The following ZNF624 variants were observed in gnomAD, a reference collection of about 807,000 sequenced individuals.
ZNF624 encodes the protein zinc finger protein 624.
Under a neutral mutation model 74.7 loss-of-function variants are expected in ZNF624, and 43 were observed. That is an observed-to-expected ratio of 0.58 (90% CI 0.45 to 0.74). The LOEUF (loss-of-function observed/expected upper bound fraction) is 0.74, where lower values mean the gene tolerates loss of function less well. ZNF624 is among the 30% of genes least tolerant of loss of function. ZNF624 has a pLI of 0.00. For missense variants in ZNF624, 820 were observed against 1,030.0 expected (o/e 0.80, Z 2.79); for synonymous variants, 331 against 341.3 (o/e 0.97, Z 0.33).
chr17:16,641,032 T>A (rs1436786509), intron 3 of ZNF624, among the ~76,000 whole-genome samples: 1 of 152,100 alleles, frequency 6.6e-6, no homozygotes, highest in African/African-American at 2.4e-5. Flanking sequence ...GAATACAAGG[T>A]TTATGTAATA....
chr17:16,649,820 C>A, intron 1 of ZNF624, 74 bp from the exon 2 acceptor site: 2 of 1,210,690 alleles, frequency 1.7e-6, no homozygotes, highest in Non-Finnish European at 2.4e-6. Context: ...GGAATCCTGA[C>A]ATACAAGTGA....
In ZNF624 at chr17:16,632,763, CAG is replaced by C. The variant is rs548722828; in HGVS notation, c.376+1097_376+1098del. On this transcript the variant is annotated intron_variant, in intron 5 of 5. Transcript: ENST00000311331. ...ATGCCTCAAGTTCAATCTCTATAAACAGGGTTATTTTCTAAAAACCCTGCAGT... is the reference window on the plus strand; with the variant it reads ...ATGCCTCAAGTTCAATCTCTATAAACGGTTATTTTCTAAAAACCCTGCAGT... Among the ~76,000 whole-genome samples the C allele has an allele frequency of 2.6e-3, 403 of 152,304 alleles. 3 individuals carry two copies. Among genetic ancestry groups the C allele is most frequent in the African/African-American group, 9.0e-3 (376 of 41,572 alleles).
intron 5 of ZNF624, among the ~76,000 whole-genome samples, chr17:16,633,415 C>A (rs1909250306): frequency 6.6e-6 from 1 of 152,042 alleles, no homozygotes; most frequent in African/African-American, 2.4e-5. Flanking sequence ...GTTTCTGTAG[C>A]CTTGCAGGTG....
chr17:16,631,110 T>C (rs1031029669), intron 5 of ZNF624, among the ~76,000 whole-genome samples: 3 of 152,078 alleles, frequency 2.0e-5, no homozygotes, highest in Non-Finnish European at 2.9e-5. Flanking sequence ...GTCAACAAGA[T>C]TGCTAGAAAA....
chr17:16,630,566 A>G (rs1909182502), intron 5 of ZNF624, among the ~76,000 whole-genome samples: 1 of 152,198 alleles, frequency 6.6e-6, no homozygotes. Context: ...TCAAAAAAAT[A>G]AAAAATTAAC....
At chr17:16,643,242 T>C (rs1051992419) in intron 3 of ZNF624, among the ~76,000 whole-genome samples, 5 of 152,198 alleles carry the variant, frequency 3.3e-5, no homozygotes, top group African/African-American at 1.2e-4. Context: ...TTAGCATCAT[T>C]ATTAATTGCC....
chr17:16,645,281 T>C (rs7208075), intron 3 of ZNF624, among the ~76,000 whole-genome samples: 35,050 of 151,904 alleles, frequency 0.23, 4,488 homozygotes, highest in East Asian at 0.35. Context: ...ACACTAAAAA[T>C]ACAAAAATTA....
At chr17:16,626,465 C>A (rs1332506397) in intron 5 of ZNF624, among the ~76,000 whole-genome samples, 2 of 152,032 alleles carry the variant, frequency 1.3e-5, no homozygotes, top group Non-Finnish European at 2.9e-5. Flanking sequence ...AGAAAAAAAG[C>A]TATAAGGCTG....
At chr17:16,645,956 A>AAAG (rs1489559005) in intron 3 of ZNF624, among the ~76,000 whole-genome samples, 2 of 151,456 alleles carry the variant, frequency 1.3e-5, no homozygotes, top group African/African-American at 4.8e-5. Flanking sequence ...AAAAAAAAAA[A>AAAG]AAAAAAAAAG....
chr17:16,619,051 CA>C (rs1462740399), downstream of ZNF624, among the ~76,000 whole-genome samples: 5 of 152,112 alleles, frequency 3.3e-5, no homozygotes, highest in Non-Finnish European at 7.3e-5. Flanking sequence ...TAAAAGCATA[CA>C]ACGAGACATA....
downstream of ZNF624, chr17:16,616,971 C>T (rs574426640): frequency 2.2e-5 from 35 of 1,595,594 alleles, no homozygotes; most frequent in Admixed American, 6.7e-5. Flanking sequence ...GACCAGGTAG[C>T]GGCGAATTGG....
chr17:16,630,471 C>A (rs1369332581), intron 5 of ZNF624, among the ~76,000 whole-genome samples: 1 of 152,072 alleles, frequency 6.6e-6, no homozygotes, highest in East Asian at 1.9e-4. Flanking sequence ...CGAGTAGAAT[C>A]GCTTGAACCT....
downstream of ZNF624, chr17:16,616,967 G>T: frequency 6.3e-7 from 1 of 1,594,278 alleles, no homozygotes; most frequent in Non-Finnish European, 8.6e-7. Context: ...GGTGGACCAG[G>T]TAGCGGCGAA....
rs1908977514 is a variant in ZNF624, at chr17:16,623,405, T to G, written c.1481A>C (p.His494Pro). 1 of 1,613,946 alleles carries G rather than the reference T, an allele frequency of 6.2e-7. No homozygotes were observed. The highest frequency in any genetic ancestry group is 1.3e-5 in the African/African-American group (1 of 74,922). ...NSSLIVHIRT[H>P]TGEKPYECNE... ...ACATTCATAGGGTTTTTCCCCAGTG[T>G]GAGTTCTTATATGTACGATAAGGCT... The change falls in exon 6 of 6, where the codon CAC (histidine) becomes CCC (proline). Residue 494 changes from histidine to proline, a missense_variant. His to Pro is a moderately conservative substitution (Grantham distance 77). Transcript: ENST00000311331. The surrounding 1 kb of genome is among the most constrained non-coding windows in gnomAD (Gnocchi z 5.3).
chr17:16,633,805 C>G, intron 5 of ZNF624, 57 bp downstream of exon 5: 1 of 1,306,746 alleles, frequency 7.7e-7, no homozygotes, highest in Non-Finnish European at 1.1e-6. Context: ...TGGTGAACAT[C>G]CCCCTATAGT....
intron 5 of ZNF624, among the ~76,000 whole-genome samples, chr17:16,632,568 T>A (rs1597493772): frequency 6.6e-6 from 1 of 152,224 alleles, no homozygotes; most frequent in African/African-American, 2.4e-5. Flanking sequence ...ATATCTGATA[T>A]ATAAAAATAC....
intron 2 of ZNF624, among the ~76,000 whole-genome samples, chr17:16,648,879 G>A (rs779833380): frequency 6.6e-5 from 10 of 152,066 alleles, no homozygotes; most frequent in Non-Finnish European, 1.3e-4. Context: ...ACTGTTCTCT[G>A]CCTCTGAAGC....
At chr17:16,617,310 G>A, downstream of ZNF624, 6 of 1,613,768 alleles carry the variant, frequency 3.7e-6, no homozygotes, top group Non-Finnish European at 4.2e-6. Context: ...TGCTTCCAGA[G>A]TAAGATCGCC....
chr17:16,648,755 C>T (rs1429291531), intron 2 of ZNF624, among the ~76,000 whole-genome samples: 1 of 151,548 alleles, frequency 6.6e-6, no homozygotes, highest in Non-Finnish European at 1.5e-5. Flanking sequence ...GACACTCAAA[C>T]ACACACACAC....
Sources: allele counts gnomAD v4.1 joint callset (sites outside exome capture counted in the v4.1 genomes callset), GRCh38; gene constraint gnomAD v4.1.1; non-coding constraint Gnocchi (gnomAD v3.1); transcripts MANE v1.5; gene names NCBI Gene and HGNC (gene_info 2026-07-23, HGNC 2026-07-21).